The following ZC3H18 variants were observed in gnomAD, a reference collection of about 807,000 sequenced individuals.
ZC3H18 encodes the protein zinc finger CCCH domain-containing protein 18.
In ZC3H18, 8 loss-of-function variants were observed where a neutral mutation model predicts 106.1. The observed-to-expected ratio is 0.08, with a 90% CI of 0.04 to 0.14. ZC3H18 has a LOEUF of 0.14. Ranked by LOEUF, ZC3H18 falls within the 10% of genes least tolerant of loss-of-function variation. The pLI is 1.00. For missense variants in ZC3H18, 1,318 were observed against 1,278.4 expected, an observed-to-expected ratio of 1.03 and a Z score of -0.47; for synonymous variants, 635 against 522.1, an observed-to-expected ratio of 1.22 and a Z score of -2.95.
At chr16:88,570,909 A>G (rs372100558) in intron 1 of ZC3H18, among the ~76,000 whole-genome samples, 3 of 152,232 alleles carry the variant, frequency 2.0e-5, no homozygotes, top group East Asian at 1.9e-4. Flanking sequence ...CCGCCGGCTA[A>G]GGGGCGGTGA....
intron 6 of ZC3H18, among the ~76,000 whole-genome samples, chr16:88,606,450 A>C (rs1485296817): frequency 6.6e-6 from 1 of 152,160 alleles, no homozygotes; most frequent in Admixed American, 6.5e-5. Context: ...AGGCCTTTTC[A>C]TTTTGCTTAA....
chr16:88,630,318 C>T, intron 16 of ZC3H18, 167 bp from the exon 17 acceptor site: 1 of 576,042 alleles, frequency 1.7e-6, no homozygotes, highest in Non-Finnish European at 3.1e-6. Context: ...GTGCCCACAT[C>T]TCTCTTCTCC....
intron 6 of ZC3H18, among the ~76,000 whole-genome samples, chr16:88,600,498 C>T (rs1272544912): frequency 6.6e-6 from 1 of 152,180 alleles, no homozygotes; most frequent in African/African-American, 2.4e-5. Flanking sequence ...CTGCAACCTC[C>T]GCCTCCCTGG....
chr16:88,606,660 G>A (rs988933953), intron 6 of ZC3H18, among the ~76,000 whole-genome samples: 3 of 152,210 alleles, frequency 2.0e-5, no homozygotes, highest in South Asian at 2.1e-4. Flanking sequence ...CTCGCGTGCT[G>A]TCCAGGCTTC....
rs1181436023 is a variant in ZC3H18 at position 88,627,070 on chromosome 16, TG to T, written c.2109-551del. 2.0e-5 allele frequency: 3 copies of T among 152,474 alleles called. No homozygotes were observed. Among genetic ancestry groups the T allele is most frequent in the African/African-American group, 7.2e-5 (3 of 41,446 alleles). The allele number at this position is 152,474 out of a possible 1,614,324, so 9.4% of individuals were successfully genotyped here. ...CCAAAAAGCAACCTGACATTCGTTT[TG>T]TTTTTTGTTTGTTTTGAGACGGAGT... On this transcript the variant is annotated intron_variant, in intron 13 of 17. Coordinates refer to ENST00000301011, the MANE Select transcript of ZC3H18 (RefSeq NM_144604.4). This position sits in a 1 kb window ranked among gnomAD's most constrained non-coding sequence, Gnocchi z 4.5.
In ZC3H18 at chr16:88,577,405, C is replaced by T; in HGVS notation, c.282C>T (p.Ser94=). 6.3e-7 allele frequency: 1 copy of T among 1,599,958 alleles called. No individual in the cohort carries two copies. The highest frequency in any genetic ancestry group is 8.5e-7 in the Non-Finnish European group (1 of 1,171,546). ...ATGAGCTGAGCCGGGGCCCGACCAG[C>T]TCCCCCTGCGAGGAGGAGGGGGACG... ...EVNELSRGPT[S]SPCEEEGDEG... is the part of the protein sequence containing the mutation. Residue 94 remains serine (S), a synonymous_variant, in exon 2 of 18, where the codon AGC becomes AGT. Coordinates refer to ENST00000301011, the MANE Select transcript of ZC3H18 (RefSeq NM_144604.4).
chr16:88,631,037 G>A lies in ZC3H18; in HGVS notation c.2664-64G>A, dbSNP rs1906655017. 18 of 1,598,238 alleles carry A rather than the reference G, an allele frequency of 1.1e-5. No homozygotes were observed. The South Asian group carries it at 1.8e-4, about 16-fold the overall frequency. On this transcript the variant is annotated intron_variant, in intron 17 of 17. Transcript: ENST00000301011. ...CACAGTGGAAGCGCCCCTACGGGGAGGTCACCCCTTCCACCTGCAGACGTG... is the reference window on the plus strand; with the variant it reads ...CACAGTGGAAGCGCCCCTACGGGGAAGTCACCCCTTCCACCTGCAGACGTG...
At position 88,586,624 on chromosome 16, in the gene ZC3H18, G is replaced by A; in HGVS notation, c.628G>A (p.Val210Met). Reference protein sequence around the residue: ...IDDDDLEEGEVKDPSDRKVRP... With the variant: ...IDDDDLEEGEMKDPSDRKVRP... The stretch of plus-strand genomic sequence containing the variant: ...GGATGATGACCTGGAAGAAGGTGAA[G>A]TGAAGGACCCCAGTGACAGGAAGGT... Residue 210 changes from valine (V) to methionine (M), a missense_variant, in exon 3 of 18, where the codon GTG becomes ATG. Around this residue, in one of 6 missense-constraint regions of ZC3H18, gnomAD observed 30 missense variants for 63.3 expected, o/e 0.47. Coordinates refer to ENST00000301011, the MANE Select transcript of ZC3H18 (RefSeq NM_144604.4). 1 of 1,614,210 alleles carries A rather than the reference G, an allele frequency of 6.2e-7. No homozygotes were observed. The highest frequency in any genetic ancestry group is 8.5e-7 in the Non-Finnish European group (1 of 1,180,020).
chr16:88,607,361 G>T (rs540415556), intron 6 of ZC3H18, among the ~76,000 whole-genome samples: 1 of 152,222 alleles, frequency 6.6e-6, no homozygotes, highest in Non-Finnish European at 1.5e-5. Flanking sequence ...TGTTCTTGGG[G>T]TGCGATTTTT....
Position 88,630,682 on chromosome 16 carries a change from T to C in ZC3H18, c.2663+101T>C. On this transcript the variant is annotated intron_variant, in intron 17 of 17. Coordinates refer to ENST00000301011, the MANE Select transcript of ZC3H18 (RefSeq NM_144604.4). ...CAGCAGGGCTAGCACTGGGCCAGGC[T>C]GGAGGCGTCACTACAGCTCCTGCTG... The C allele has an allele frequency of 4.1e-6, 4 of 983,506 alleles. No individual in the cohort carries two copies. The South Asian group carries it at 5.9e-5, about 14-fold the overall frequency. The allele number at this position is 983,506 out of a possible 1,614,324, so 60.9% of individuals were successfully genotyped here.
rs1481503588 is a variant in ZC3H18, at chr16:88,598,311, G to A, written c.822G>A (p.Met274Ile). ...CGCCTCTCGGACCTCACCCGCTGAT[G>A]CCCGCCAACCCTTGGGTGCGTGATG... ...GAPPLGPHPL[M>I]PANPWGGPVV... The change falls in exon 4 of 18, where the codon ATG (methionine) becomes ATA (isoleucine). Residue 274 changes from methionine to isoleucine, a missense_variant. Physicochemically the swap from Met to Ile is conservative, Grantham distance 10. Around this residue, in one of 6 missense-constraint regions of ZC3H18, gnomAD observed 78 missense variants for 67.3 expected, o/e 1.16. Transcript: ENST00000301011. 6.2e-7 allele frequency: 1 copy of A among 1,604,230 alleles called. No individual in the cohort carries two copies. Among genetic ancestry groups the A allele is most frequent in the African/African-American group, 1.3e-5 (1 of 74,178 alleles).
At chr16:88,613,475 G>C (rs1039625089) in intron 8 of ZC3H18, among the ~76,000 whole-genome samples, 1 of 152,132 alleles carries the variant, frequency 6.6e-6, no homozygotes, top group African/African-American at 2.4e-5. Flanking sequence ...CGCATAGGAG[G>C]GCGCCATCTC....
At chr16:88,608,138 G>T (rs1428622269) in intron 6 of ZC3H18, among the ~76,000 whole-genome samples, 2 of 151,958 alleles carry the variant, frequency 1.3e-5, no homozygotes, top group East Asian at 3.9e-4. Flanking sequence ...ATATCATTTT[G>T]CAAATCTGAG....
intron 1 of ZC3H18, among the ~76,000 whole-genome samples, chr16:88,573,036 C>T (rs1046596783): frequency 3.3e-5 from 5 of 152,212 alleles, no homozygotes; most frequent in Admixed American, 3.3e-4. Context: ...GGATTACAGG[C>T]ATGAGCCACC....
intron 11 of ZC3H18, 73 bp from the exon 12 acceptor site, chr16:88,624,529 C>T (rs1597359072): frequency 6.2e-6 from 10 of 1,608,202 alleles, no homozygotes; most frequent in East Asian, 2.2e-5. Context: ...GCTGTGGGTC[C>T]ATTGAAAGGG....
intron 8 of ZC3H18, among the ~76,000 whole-genome samples, chr16:88,611,780 G>A (rs1212690186): frequency 6.6e-6 from 1 of 152,244 alleles, no homozygotes; most frequent in Non-Finnish European, 1.5e-5. Context: ...TCATTCTAGA[G>A]GATCTCACTG....
Position 88,621,044 on chromosome 16 carries a change from T to C in ZC3H18, c.1476-1153T>C, listed in dbSNP as rs181398734. Among the ~76,000 whole-genome samples, 333 of 150,906 alleles carry C rather than the reference T, an allele frequency of 2.2e-3. 3 individuals are homozygous for C. The highest frequency in any genetic ancestry group is 7.8e-3 in the African/African-American group (321 of 40,948). On this transcript the variant is annotated intron_variant, in intron 8 of 17. Transcript: ENST00000301011. The stretch of plus-strand genomic sequence containing the variant: ...ACCACACCCAGCTAATTTTTTTGTT[T>C]TTTGTTTTGTTTTGTTTTGAGACGA...
Position 88,573,411 on chromosome 16 carries a change from C to A in ZC3H18, c.-15+2845C>A, listed in dbSNP as rs148013276. 6.6e-5 allele frequency among the ~76,000 whole-genome samples: 10 copies of A among 152,054 alleles called. 1 individual carries two copies. Among genetic ancestry groups the A allele is most frequent in the Admixed American group, 2.0e-4 (3 of 15,262 alleles). ...TACTGCCACAACCCCACGCAGACTCCCAGTCTTGAACAGTCAGTGCGTAGA... is the reference window on the plus strand; with the variant it reads ...TACTGCCACAACCCCACGCAGACTCACAGTCTTGAACAGTCAGTGCGTAGA... On this transcript the variant is annotated intron_variant, in intron 1 of 17. Coordinates refer to ENST00000301011, the MANE Select transcript of ZC3H18 (RefSeq NM_144604.4).
chr16:88,631,340 G>GCTC lies in ZC3H18; in HGVS notation c.*41_*42insCTC. ...GACTGGACGCATTTTTATACATAGG[G>GCTC]TAAGCGCAGCCATTTTGGATTTTGC... On this transcript the variant is annotated 3_prime_UTR_variant, in exon 18 of 18. Transcript: ENST00000301011. The GCTC allele has an allele frequency of 1.3e-6, 2 of 1,551,316 alleles. No individual in the cohort carries two copies. Among genetic ancestry groups the GCTC allele is most frequent in the Non-Finnish European group, 1.7e-6 (2 of 1,146,876 alleles).
Sources: allele counts gnomAD v4.1 joint callset (sites outside exome capture counted in the v4.1 genomes callset), GRCh38; gene constraint gnomAD v4.1.1; regional missense constraint gnomAD v4.1.1; non-coding constraint Gnocchi (gnomAD v3.1); transcripts MANE v1.5; gene names NCBI Gene and HGNC (gene_info 2026-07-23, HGNC 2026-07-21).